The following KNG1 variants were observed in gnomAD, a reference collection of about 807,000 sequenced individuals.
KNG1 encodes the protein kininogen 1, also known as kininogen-1.
KNG1 carries 23 observed loss-of-function variants against 47.8 expected under a neutral mutation model. The ratio of observed to expected loss-of-function variants is 0.48; its 90% confidence interval spans 0.35 to 0.68. KNG1 has a LOEUF of 0.68. Ranked by LOEUF, KNG1 falls within the 30% of genes least tolerant of loss-of-function variation. The probability of loss-of-function intolerance (pLI) is 0.01; values close to 1 mark genes in which losing one functional copy is unlikely to be tolerated. For missense variants in KNG1, 762 were observed against 790.2 expected (o/e 0.96, Z 0.43); for synonymous variants, 277 against 277.0 (o/e 1.00, Z 0.00).
At chr3:186,736,100 T>C (rs192662291) in intron 7 of KNG1, 1 of 152,238 alleles carries the variant, frequency 6.6e-6, no homozygotes, top group African/African-American at 2.4e-5. Context: ...AACATTCTAG[T>C]ATGCATATGT....
At chr3:186,735,277 G>A (rs1051656370) in intron 7 of KNG1, among the ~76,000 whole-genome samples, 3 of 152,054 alleles carry the variant, frequency 2.0e-5, no homozygotes, top group African/African-American at 7.2e-5. Context: ...CTTGAGCCCA[G>A]GAGCGAGACC....
rs1310387258 is a variant in KNG1 at position 186,741,523 on chromosome 3, T to A, written c.1127T>A (p.Ile376Asn). 2 of 1,608,946 alleles carry A rather than the reference T, an allele frequency of 1.2e-6. No homozygotes were observed. The highest frequency in any genetic ancestry group is 1.1e-5 in the South Asian group (1 of 90,362). ...PTVNCQPLGM[I>N]SLMKRPPGFS... is the part of the protein sequence containing the mutation. Reference sequence around the variant, plus strand: ...TTCATCTTAATATTTTCTGTTTAGATCTCACTGATGAAAAGGCCTCCAGGT... The same window carrying A: ...TTCATCTTAATATTTTCTGTTTAGAACTCACTGATGAAAAGGCCTCCAGGT... Residue 376 changes from isoleucine (I) to asparagine (N), a missense_variant and splice_region_variant, in exon 10 of 10, where the codon ATC becomes AAC. Physicochemically the swap from Ile to Asn is moderately radical, Grantham distance 149. Transcript: ENST00000644859.
rs2108637916 is a variant in KNG1 at position 186,741,691 on chromosome 3, G to A, written c.1295G>A (p.Gly432Asp). 2 of 1,614,172 alleles carry A rather than the reference G, an allele frequency of 1.2e-6. No individual in the cohort carries two copies. The change falls in exon 10 of 10, where the codon GGC becomes GAC. Residue 432 changes from glycine (G) to aspartate (D), a missense_variant. Coordinates refer to ENST00000644859, the MANE Select transcript of KNG1 (RefSeq NM_001102416.3). ...GGGCATACTCGTAGACATGACTGGG[G>A]CCATGAAAAACAAAGAAAACATAAT... ...EQGHTRRHDW[G>D]HEKQRKHNLG... is the part of the protein sequence containing the mutation.
chr3:186,723,197 G>A (rs5030002), intron 3 of KNG1, among the ~76,000 whole-genome samples: 73,073 of 151,732 alleles, frequency 0.48, 17,911 homozygotes, highest in Middle Eastern at 0.63. Context: ...TGCATTGAAC[G>A]TGTAATGATT....
chr3:186,719,236 T>C (rs1428495228), intron 1 of KNG1, among the ~76,000 whole-genome samples: 2 of 152,164 alleles, frequency 1.3e-5, no homozygotes, highest in African/African-American at 4.8e-5. Flanking sequence ...CTTTAGTGGG[T>C]AAATTTTATG....
intron 7 of KNG1, among the ~76,000 whole-genome samples, chr3:186,734,121 C>G (rs767607034): frequency 6.6e-6 from 1 of 152,108 alleles, no homozygotes; most frequent in Non-Finnish European, 1.5e-5. Flanking sequence ...TTACAGCAAG[C>G]CAACATAATC....
At position 186,743,991 on chromosome 3, in the gene KNG1, A is replaced by C; in HGVS notation, c.*1660A>C. On this transcript the variant is annotated 3_prime_UTR_variant, in exon 10 of 10. Coordinates refer to ENST00000644859, the MANE Select transcript of KNG1 (RefSeq NM_001102416.3). ...CTCCTTTCAGCCCTACCCATTCTGC[A>C]GCAAATTCCAGCTGGTCAGAGAGTC... 1.7e-6 allele frequency: 1 copy of C among 603,926 alleles called. No homozygotes were observed. The highest frequency in any genetic ancestry group is 3.0e-6 in the Non-Finnish European group (1 of 330,772). 37.4% of individuals were successfully genotyped at this position (603,926 alleles called of 1,614,324 possible).
chr3:186,743,579 G>T lies in KNG1; in HGVS notation c.*1248G>T. ...GAGTTTGTCTTTCATTTTAAATATT[G>T]TCTGTTCTTTTAAATAAACAACCAC... On this transcript the variant is annotated 3_prime_UTR_variant, in exon 10 of 10. Transcript: ENST00000644859. 1.4e-6 allele frequency: 1 copy of T among 717,964 alleles called. No homozygotes were observed. Among genetic ancestry groups the T allele is most frequent in the Non-Finnish European group, 2.5e-6 (1 of 402,678 alleles). 44.5% of individuals were successfully genotyped at this position (717,964 alleles called of 1,614,324 possible).
At position 186,742,646 on chromosome 3, in the gene KNG1, C is replaced by T; in HGVS notation, c.*315C>T. On this transcript the variant is annotated 3_prime_UTR_variant, in exon 10 of 10. Coordinates refer to ENST00000644859, the MANE Select transcript of KNG1 (RefSeq NM_001102416.3). ...CTGATAACAAATATGTACCTTACAA[C>T]ATATGTCATGAATTTGCATACAAAG... 2 of 1,128,016 alleles carry T rather than the reference C, an allele frequency of 1.8e-6. No homozygotes were observed. The highest frequency in any genetic ancestry group is 2.2e-6 in the Non-Finnish European group (2 of 919,782). The allele number at this position is 1,128,016 out of a possible 1,614,324, so 69.9% of individuals were successfully genotyped here. A position where few individuals can be genotyped will look rare whatever the true frequency, so the allele number is the denominator to read the frequency against.
rs372361259 is a variant in KNG1, at chr3:186,720,024, C to T, written c.196-81C>T. 5.9e-6 allele frequency: 5 copies of T among 850,556 alleles called. No individual in the cohort carries two copies. In the East Asian group the frequency reaches 7.2e-5, roughly 12 times the overall value. The allele number at this position is 850,556 out of a possible 1,614,324, so 52.7% of individuals were successfully genotyped here. A position where few individuals can be genotyped will look rare whatever the true frequency, so the allele number is the denominator to read the frequency against. On this transcript the variant is annotated intron_variant, in intron 1 of 9. Coordinates refer to ENST00000644859, the MANE Select transcript of KNG1 (RefSeq NM_001102416.3). ...TGCTCTCAAGTCAAAGATCAATATT[C>T]CTAACTTTACCGGAACCCACTAGAA...
rs1384628712 is a variant in KNG1, at chr3:186,739,221, A to G, written c.1038+15A>G. 1 of 1,595,170 alleles carries G rather than the reference A, an allele frequency of 6.3e-7. No individual in the cohort carries two copies. Among genetic ancestry groups the G allele is most frequent in the Non-Finnish European group, 8.6e-7 (1 of 1,162,742 alleles). On this transcript the variant is annotated intron_variant, in intron 8 of 9. Coordinates refer to ENST00000644859, the MANE Select transcript of KNG1 (RefSeq NM_001102416.3). ...AAAAACTTGGCGTGAGTAGTCATGC[A>G]CCTGTCTACTTTTTCACTGGAAGCC...
At chr3:186,740,315 C>G (rs1006628953) in intron 9 of KNG1, among the ~76,000 whole-genome samples, 4 of 152,180 alleles carry the variant, frequency 2.6e-5, no homozygotes, top group Non-Finnish European at 5.9e-5. Flanking sequence ...GTCCCAGGCA[C>G]TATACTGAAG....
At position 186,743,432 on chromosome 3, in the gene KNG1, A is replaced by G. The variant is rs1720865073; in HGVS notation, c.*1101A>G. ...TTGCCCTATAGTGCAAAGAAGGTAT[A>G]TGCTTTATAACCAATGTTGTACTTT... On this transcript the variant is annotated 3_prime_UTR_variant, in exon 10 of 10. Coordinates refer to ENST00000644859, the MANE Select transcript of KNG1 (RefSeq NM_001102416.3). 4.4e-6 allele frequency: 2 copies of G among 451,784 alleles called. No homozygotes were observed. Among genetic ancestry groups the G allele is most frequent in the Non-Finnish European group, 8.2e-6 (2 of 244,532 alleles). 28.0% of individuals were successfully genotyped at this position (451,784 alleles called of 1,614,324 possible). A position where few individuals can be genotyped will look rare whatever the true frequency, so the allele number is the denominator to read the frequency against.
chr3:186,739,940 CA>C (rs1326419839), intron 9 of KNG1, among the ~76,000 whole-genome samples: 2 of 151,906 alleles, frequency 1.3e-5, no homozygotes, highest in African/African-American at 2.4e-5. Flanking sequence ...CCCAGCTACT[CA>C]GGGGGCTGAG....
intron 6 of KNG1, among the ~76,000 whole-genome samples, chr3:186,731,938 T>A (rs1046166387): frequency 2.0e-5 from 3 of 152,228 alleles, no homozygotes; most frequent in Non-Finnish European, 4.4e-5. Context: ...TTAAGTCAGA[T>A]GTTGTAAGTT....
At chr3:186,738,135 GCC>G (rs1369142792) in intron 7 of KNG1, among the ~76,000 whole-genome samples, 1 of 151,874 alleles carries the variant, frequency 6.6e-6, no homozygotes, top group South Asian at 2.1e-4. Flanking sequence ...GCATCACAAA[GCC>G]CATCTAATTT....
rs1560065990 is a variant in KNG1 at position 186,730,707 on chromosome 3, T to TACAC, written c.673-837_673-836insCACA. ...AAATATATATATATATATATATATA[T>TACAC]ATATATATACACACACACACACATA... On this transcript the variant is annotated intron_variant, in intron 5 of 9. Transcript: ENST00000644859. Among the ~76,000 whole-genome samples, 6 of 105,250 alleles carry TACAC rather than the reference T, an allele frequency of 5.7e-5. No individual in the cohort carries two copies. In the South Asian group the frequency reaches 8.5e-4, roughly 15 times the overall value. The allele number at this position is 105,250 out of a possible 152,430, so 69.0% of individuals were successfully genotyped here.
intron 2 of KNG1, chr3:186,720,603 C>T: frequency 6.6e-6 from 2 of 305,162 alleles, no homozygotes; most frequent in Non-Finnish European, 1.3e-5. Context: ...TGTGTGATAG[C>T]GGGGGAGCTG....
chr3:186,723,333 C>T (rs1720257913), intron 3 of KNG1, among the ~76,000 whole-genome samples: 1 of 152,176 alleles, frequency 6.6e-6, no homozygotes, highest in South Asian at 2.1e-4. Flanking sequence ...TATAGACACT[C>T]TAGTCTGCTA....
Sources: allele counts gnomAD v4.1 joint callset (sites outside exome capture counted in the v4.1 genomes callset), GRCh38; gene constraint gnomAD v4.1.1; transcripts MANE v1.5; gene names NCBI Gene and HGNC (gene_info 2026-07-23, HGNC 2026-07-21).